Variants in DLG2 observed in about 807,000 individuals in gnomAD.
DLG2 encodes the protein discs large MAGUK scaffold protein 2, also known as disks large homolog 2.
DLG2 carries 45 observed loss-of-function variants against 132.5 expected under a neutral mutation model. The ratio of observed to expected loss-of-function variants is 0.34; its 90% CI spans 0.27 to 0.44. DLG2 has a LOEUF of 0.44. Among genes scored for constraint, DLG2 ranks in the 20% least tolerant of loss-of-function variants. The probability of loss-of-function intolerance (pLI) is 1.00; values close to 1 mark genes in which losing one functional copy is unlikely to be tolerated. For missense variants in DLG2, 1,045 were observed against 1,196.9 expected (o/e 0.87, Z 1.87); for synonymous variants, 424 against 419.6 (o/e 1.01, Z -0.13).
chr11:85,157,955 C>A (rs560810945), intron 4 of DLG2, among the ~76,000 whole-genome samples: 1 of 151,008 alleles, frequency 6.6e-6, no homozygotes, highest in Non-Finnish European at 1.5e-5. Flanking sequence ...ATAAACCCCG[C>A]ACTGCCTGAG....
chr11:84,385,375 TAG>T (rs780580591), intron 7 of DLG2, among the ~76,000 whole-genome samples: 9 of 152,164 alleles, frequency 5.9e-5, no homozygotes, highest in Admixed American at 2.0e-4. Context: ...CCTCAGGCTT[TAG>T]AGATTTCTAA....
chr11:85,123,503 T>TA (rs2074690828), intron 5 of DLG2, among the ~76,000 whole-genome samples: 1 of 152,062 alleles, frequency 6.6e-6, no homozygotes, highest in African/African-American at 2.4e-5. Flanking sequence ...TAGGAATAAA[T>TA]AAAAATCAAG....
intron 14 of DLG2, among the ~76,000 whole-genome samples, chr11:83,961,700 T>A (rs1030537675): frequency 1.6e-4 from 24 of 151,986 alleles, no homozygotes; most frequent in African/African-American, 5.6e-4. Context: ...TCATATCAAA[T>A]ATTAGTAATA....
chr11:84,355,726 A>G (rs949652222), intron 7 of DLG2, among the ~76,000 whole-genome samples: 1 of 152,254 alleles, frequency 6.6e-6, no homozygotes, highest in East Asian at 1.9e-4. Context: ...AAGATCACAA[A>G]GGACCTTCCT....
intron 19 of DLG2, among the ~76,000 whole-genome samples, chr11:83,613,755 G>A (rs1432047): frequency 0.19 from 28,510 of 152,052 alleles, 2,827 homozygotes; most frequent in African/African-American, 0.19. Flanking sequence ...GGAAGTAAAG[G>A]TAATTTTTTT....
chr11:83,927,000 G>A (rs2066802459), intron 15 of DLG2, among the ~76,000 whole-genome samples: 1 of 152,134 alleles, frequency 6.6e-6, no homozygotes, highest in Non-Finnish European at 1.5e-5. Flanking sequence ...ATAGTTTATG[G>A]TGAAAGTACG....
intron 3 of DLG2, among the ~76,000 whole-genome samples, chr11:85,321,854 G>A (rs2081090806): frequency 6.6e-6 from 1 of 151,986 alleles, no homozygotes; most frequent in Non-Finnish European, 1.5e-5. Flanking sequence ...GTTCAAGAGA[G>A]AATTAGAGGA....
At chr11:84,356,501 T>A (rs1167835705) in intron 7 of DLG2, among the ~76,000 whole-genome samples, 6 of 152,104 alleles carry the variant, frequency 3.9e-5, no homozygotes, top group Non-Finnish European at 7.4e-5. Flanking sequence ...ACATGATGAC[T>A]TGCTAGCTGT....
At chr11:84,376,038 T>G (rs779152268) in intron 7 of DLG2, among the ~76,000 whole-genome samples, 1 of 152,030 alleles carries the variant, frequency 6.6e-6, no homozygotes, top group African/African-American at 2.4e-5. Context: ...TAATAAGATG[T>G]TGATAAAATA....
chr11:84,522,811 C>T (rs2099308525), intron 7 of DLG2, among the ~76,000 whole-genome samples: 1 of 152,132 alleles, frequency 6.6e-6, no homozygotes, highest in Admixed American at 6.5e-5. Flanking sequence ...TGCTGTATAG[C>T]TTCTGTCCAC....
At chr11:83,769,508 G>T (rs951545235) in intron 18 of DLG2, among the ~76,000 whole-genome samples, 1 of 151,916 alleles carries the variant, frequency 6.6e-6, no homozygotes, top group African/African-American at 2.4e-5. Flanking sequence ...CCTCTCCTGG[G>T]GATGGAGTGT....
intron 7 of DLG2, among the ~76,000 whole-genome samples, chr11:84,283,812 A>G (rs1285885998): frequency 6.6e-6 from 1 of 152,182 alleles, no homozygotes; most frequent in Non-Finnish European, 1.5e-5. Flanking sequence ...GGTTTGCTTG[A>G]TATTATTACT....
chr11:83,553,862 T>C (rs1001551054), intron 19 of DLG2, among the ~76,000 whole-genome samples: 3 of 151,740 alleles, frequency 2.0e-5, no homozygotes, highest in East Asian at 1.9e-4. Flanking sequence ...ATATTATTAG[T>C]ATTTTATTCC....
At chr11:84,955,913 G>T (rs1205933471) in intron 6 of DLG2, among the ~76,000 whole-genome samples, 1 of 152,050 alleles carries the variant, frequency 6.6e-6, no homozygotes, top group South Asian at 2.1e-4. Flanking sequence ...TGACCTTTGT[G>T]GAAGTACACA....
rs1182761171 is a variant in DLG2, at chr11:85,518,241, A to T, written c.40+80416T>A. Among the ~76,000 whole-genome samples the T allele has an allele frequency of 2.0e-5, 3 of 152,182 alleles. No individual in the cohort carries two copies. The East Asian group carries it at 5.8e-4, about 29-fold the overall frequency. ...TTTGGAGGGCTCAAAGAAGACAGGAAAATGTGGGAAAGTTCGGAACTTCCT... is the reference window on the plus strand; with the variant it reads ...TTTGGAGGGCTCAAAGAAGACAGGATAATGTGGGAAAGTTCGGAACTTCCT... On this transcript the variant is annotated intron_variant, in intron 3 of 27. Coordinates refer to ENST00000376104, the MANE Select transcript of DLG2 (RefSeq NM_001142699.3).
chr11:83,869,806 C>T (rs1204621134), intron 16 of DLG2, among the ~76,000 whole-genome samples: 1 of 152,112 alleles, frequency 6.6e-6, no homozygotes, highest in African/African-American at 2.4e-5. Flanking sequence ...TGGCCAACCC[C>T]TTTCAGGGCA....
At chr11:83,689,141 G>T (rs1472543420) in intron 18 of DLG2, among the ~76,000 whole-genome samples, 1 of 152,138 alleles carries the variant, frequency 6.6e-6, no homozygotes, top group Non-Finnish European at 1.5e-5. Flanking sequence ...TATAGAGGTT[G>T]AGAGCAATGG....
chr11:85,242,665 T>C (rs142456124), intron 4 of DLG2, among the ~76,000 whole-genome samples: 23 of 151,900 alleles, frequency 1.5e-4, no homozygotes, highest in African/African-American at 4.8e-4. Context: ...GTTCTTTATT[T>C]AAAATATTAT....
intron 21 of DLG2, among the ~76,000 whole-genome samples, chr11:83,526,167 G>T (rs544392707): frequency 1.5e-4 from 23 of 152,256 alleles, no homozygotes; most frequent in African/African-American, 5.1e-4. Flanking sequence ...GGAGCGTAAG[G>T]CTTTGGAAAA....
Sources: gnomAD v4.1 joint callset for allele counts (sites outside exome capture counted in the v4.1 genomes callset) on GRCh38, gnomAD v4.1.1 for gene constraint, MANE v1.5 for transcripts, NCBI Gene and HGNC (gene_info 2026-07-23, HGNC 2026-07-21) for gene names.